Variants in ATP8A2 observed in about 807,000 individuals in gnomAD.
The protein encoded by ATP8A2 is ATPase phospholipid transporting 8A2, also known as phospholipid-transporting ATPase IB.
A neutral mutation model predicts 165.6 loss-of-function variants in ATP8A2; 100 were observed. The observed-to-expected ratio is 0.60, with a 90% CI of 0.51 to 0.71. The LOEUF (loss-of-function observed/expected upper bound fraction) is 0.71. Among genes scored for constraint, ATP8A2 ranks in the 30% least tolerant of loss-of-function variants. The probability of loss-of-function intolerance (pLI) is 0.00; values close to 1 mark genes in which losing one functional copy is unlikely to be tolerated. For missense variants in ATP8A2, 1,227 were observed against 1,479.5 expected, an observed-to-expected ratio of 0.83 and a Z score of 2.80; for synonymous variants, 543 against 548.8, an observed-to-expected ratio of 0.99 and a Z score of 0.15.
At chr13:25,806,036 A>G (rs1325561090) in intron 27 of ATP8A2, among the ~76,000 whole-genome samples, 1 of 152,206 alleles carries the variant, frequency 6.6e-6, no homozygotes, top group South Asian at 2.1e-4. Context: ...ATGGGAGATC[A>G]TTCTTCATTT....
rs1055265457 is a variant in ATP8A2, at chr13:25,750,071, C to A, written c.2385-18975C>A. Among the ~76,000 whole-genome samples, 1 of 152,132 alleles carries A rather than the reference C, an allele frequency of 6.6e-6. No homozygotes were observed. The highest frequency in any genetic ancestry group is 2.4e-5 in the African/African-American group (1 of 41,410). On this transcript the variant is annotated intron_variant, in intron 25 of 36. Coordinates refer to ENST00000381655, the MANE Select transcript of ATP8A2 (RefSeq NM_016529.6). This position sits in a 1 kb window ranked among gnomAD's most constrained non-coding sequence, Gnocchi z 4.3. ...ATGTATGTGAGCTCCTGTTTGTATACGAAACAACCAAGTTCATCTTTAGAA... is the reference window on the plus strand; with the variant it reads ...ATGTATGTGAGCTCCTGTTTGTATAAGAAACAACCAAGTTCATCTTTAGAA...
intron 27 of ATP8A2, among the ~76,000 whole-genome samples, chr13:25,799,103 AC>A (rs1335807703): frequency 6.6e-6 from 1 of 151,238 alleles, no homozygotes; most frequent in Non-Finnish European, 1.5e-5. Flanking sequence ...TAAAAAAAAA[AC>A]ACAGTCAGTT....
At chr13:25,763,969 T>G (rs746966328) in intron 25 of ATP8A2, among the ~76,000 whole-genome samples, 3 of 152,234 alleles carry the variant, frequency 2.0e-5, no homozygotes, top group Non-Finnish European at 2.9e-5. Context: ...ATGAGATTTT[T>G]AAAGGTACTG....
intron 35 of ATP8A2, among the ~76,000 whole-genome samples, chr13:26,009,452 C>A (rs950326679): frequency 6.6e-6 from 1 of 152,186 alleles, no homozygotes; most frequent in Non-Finnish European, 1.5e-5. Flanking sequence ...AACATCCCAG[C>A]CCACACATCC....
At chr13:25,992,890 C>T (rs1484021805) in intron 35 of ATP8A2, among the ~76,000 whole-genome samples, 2 of 149,190 alleles carry the variant, frequency 1.3e-5, no homozygotes. Context: ...TTCCTGTGTC[C>T]ATGTGATCTC....
At chr13:25,737,721 C>G (rs141629454) in intron 25 of ATP8A2, among the ~76,000 whole-genome samples, 1 of 152,164 alleles carries the variant, frequency 6.6e-6, no homozygotes, top group Non-Finnish European at 1.5e-5. Context: ...CTCACTCTGT[C>G]GCCCAGGCTG....
chr13:25,814,270 CTATT>C (rs1421151555), intron 27 of ATP8A2, among the ~76,000 whole-genome samples: 1 of 152,084 alleles, frequency 6.6e-6, no homozygotes, highest in African/African-American at 2.4e-5. Context: ...TCTTTTACAA[CTATT>C]TATCCTTATC....
At chr13:25,683,029 A>G (rs1320566036) in intron 24 of ATP8A2, among the ~76,000 whole-genome samples, 1 of 152,180 alleles carries the variant, frequency 6.6e-6, no homozygotes, top group Non-Finnish European at 1.5e-5. Context: ...ACATAAAACA[A>G]CCCCGGAAAG....
intron 24 of ATP8A2, among the ~76,000 whole-genome samples, chr13:25,613,766 C>T (rs2040752362): frequency 6.6e-6 from 1 of 152,160 alleles, no homozygotes; most frequent in Non-Finnish European, 1.5e-5. Flanking sequence ...GATAGGACCC[C>T]AATCTCTTTT....
chr13:25,390,192 C>G (rs1356072407), intron 1 of ATP8A2, among the ~76,000 whole-genome samples: 1 of 152,160 alleles, frequency 6.6e-6, no homozygotes, highest in Admixed American at 6.5e-5. Flanking sequence ...TGAGGTTTCA[C>G]CATCTTGGCC....
At chr13:25,444,643 T>TTTTG (rs1566137813) in intron 1 of ATP8A2, among the ~76,000 whole-genome samples, 2 of 152,042 alleles carry the variant, frequency 1.3e-5, no homozygotes, top group East Asian at 3.9e-4. Context: ...CTGTTTTTTT[T>TTTTG]TTTTGTTTTG....
intron 25 of ATP8A2, among the ~76,000 whole-genome samples, chr13:25,721,852 C>T (rs942733173): frequency 6.6e-6 from 1 of 152,222 alleles, no homozygotes; most frequent in East Asian, 1.9e-4. Flanking sequence ...AGTTGATGGA[C>T]ATTTAGGCTA....
chr13:25,856,244 C>A (rs1593456422), intron 30 of ATP8A2, among the ~76,000 whole-genome samples: 1 of 152,132 alleles, frequency 6.6e-6, no homozygotes, highest in African/African-American at 2.4e-5. Context: ...AAAGATTCAT[C>A]GCTATGTTTT....
intron 34 of ATP8A2, among the ~76,000 whole-genome samples, chr13:25,965,164 A>G (rs891077163): frequency 1.3e-5 from 2 of 152,168 alleles, no homozygotes; most frequent in Non-Finnish European, 2.9e-5. Context: ...CATCTCAAAG[A>G]AAAAAAGGCT....
At chr13:25,531,662 T>C (rs1298205772) in intron 4 of ATP8A2, among the ~76,000 whole-genome samples, 2 of 151,912 alleles carry the variant, frequency 1.3e-5, no homozygotes, top group East Asian at 1.9e-4. Context: ...CCAAAACTTT[T>C]GCATGCCGAC....
chr13:25,746,447 T>C lies in ATP8A2; in HGVS notation c.2385-22599T>C, dbSNP rs114392404. Among the ~76,000 whole-genome samples the C allele has an allele frequency of 2.7e-3, 408 of 152,358 alleles. 1 individual carries two copies. Among genetic ancestry groups the C allele is most frequent in the African/African-American group, 9.2e-3 (384 of 41,592 alleles). On this transcript the variant is annotated intron_variant, in intron 25 of 36. Coordinates refer to ENST00000381655, the MANE Select transcript of ATP8A2 (RefSeq NM_016529.6). ...GCAGAATGAAGCTGATTAAAGAATT[T>C]GAATTTGAACCTGGAAGGACTTCTA... is the stretch of plus-strand genomic sequence containing the variant.
chr13:25,487,807 A>G (rs1352708839), intron 2 of ATP8A2, among the ~76,000 whole-genome samples: 1 of 152,188 alleles, frequency 6.6e-6, no homozygotes, highest in Non-Finnish European at 1.5e-5. Flanking sequence ...TTAAACATGT[A>G]ATGGAAAAAA....
intron 1 of ATP8A2, among the ~76,000 whole-genome samples, chr13:25,375,001 T>G (rs1218547056): frequency 1.3e-5 from 2 of 152,226 alleles, no homozygotes; most frequent in Non-Finnish European, 2.9e-5. Context: ...CTGAGCCATC[T>G]TTGACTCTTA....
intron 1 of ATP8A2, among the ~76,000 whole-genome samples, chr13:25,387,150 A>G (rs561526248): frequency 6.6e-6 from 1 of 152,256 alleles, no homozygotes; most frequent in East Asian, 1.9e-4. Flanking sequence ...CCGGAGAAAC[A>G]TTGCCGAGGT....
Sources: allele counts gnomAD v4.1 joint callset (sites outside exome capture counted in the v4.1 genomes callset), GRCh38; gene constraint gnomAD v4.1.1; non-coding constraint Gnocchi (gnomAD v3.1); transcripts MANE v1.5; gene names NCBI Gene and HGNC (gene_info 2026-07-23, HGNC 2026-07-21).